Variants in KALRN observed in about 807,000 individuals in gnomAD.
The protein encoded by KALRN is kalirin RhoGEF kinase.
A neutral mutation model predicts 353.7 loss-of-function variants in KALRN; 70 were observed. The observed-to-expected ratio is 0.20, with a 90% CI of 0.16 to 0.24. The LOEUF is 0.24. Among genes scored for constraint, KALRN ranks in the 10% least tolerant of loss-of-function variants. The probability of loss-of-function intolerance (pLI) is 1.00; values close to 1 mark genes in which losing one functional copy is unlikely to be tolerated. For missense variants in KALRN, 2,791 were observed against 3,756.7 expected (o/e 0.74, Z 6.72); for synonymous variants, 1,391 against 1,434.8 (o/e 0.97, Z 0.69).
intron 33 of KALRN, among the ~76,000 whole-genome samples, chr3:124,561,453 C>T (rs2071998313): frequency 6.6e-6 from 1 of 152,118 alleles, no homozygotes; most frequent in Non-Finnish European, 1.5e-5. Context: ...CGTTTCAAGC[C>T]CCCTCTGATA....
At position 124,232,529 on chromosome 3, in the gene KALRN, C is replaced by A. The variant is rs544985155; in HGVS notation, c.149-2300C>A. 2.0e-3 allele frequency among the ~76,000 whole-genome samples: 311 copies of A among 152,306 alleles called. 2 individuals are homozygous for A. Among genetic ancestry groups the A allele is most frequent in the African/African-American group, 7.3e-3 (304 of 41,574 alleles). On this transcript the variant is annotated intron_variant, in intron 2 of 59. Transcript: ENST00000682506. ...GCAGCCCCATCTGCTGTGGGCTGGGCCCCCGCCTTATGCCTTCCCTGAGAC... is the reference window on the plus strand; with the variant it reads ...GCAGCCCCATCTGCTGTGGGCTGGGACCCCGCCTTATGCCTTCCCTGAGAC...
intron 15 of KALRN, 48 bp from the exon 16 acceptor site, chr3:124,430,608 G>A: frequency 1.9e-6 from 3 of 1,605,934 alleles, no homozygotes; most frequent in Non-Finnish European, 2.6e-6. Context: ...ACAGCTCTGG[G>A]GAAACTGCGG....
intron 6 of KALRN, 66 bp downstream of exon 6, chr3:124,298,979 G>C (rs1227938209): frequency 6.3e-7 from 1 of 1,598,266 alleles, no homozygotes; most frequent in Non-Finnish European, 8.6e-7. Flanking sequence ...GTGGGAGGAG[G>C]GACAGAAACA....
chr3:124,448,118 G>A (rs555540), intron 21 of KALRN, among the ~76,000 whole-genome samples: 5 of 151,988 alleles, frequency 3.3e-5, no homozygotes, highest in Non-Finnish European at 5.9e-5. Flanking sequence ...TACCCAGAAC[G>A]TCATAGGATC....
intron 51 of KALRN, among the ~76,000 whole-genome samples, chr3:124,689,589 CATT>C (rs1236668142): frequency 6.6e-6 from 1 of 152,092 alleles, no homozygotes; most frequent in African/African-American, 2.4e-5. Flanking sequence ...GGAAGGAAAA[CATT>C]ATATTTCAAG....
chr3:124,215,446 A>T (rs1192652613), intron 1 of KALRN, among the ~76,000 whole-genome samples: 1 of 152,128 alleles, frequency 6.6e-6, no homozygotes. Context: ...TCACTCATTC[A>T]TATATTCAGT....
At chr3:124,405,368 C>T (rs545102847) in intron 13 of KALRN, among the ~76,000 whole-genome samples, 62 of 152,284 alleles carry the variant, frequency 4.1e-4, no homozygotes, top group African/African-American at 1.1e-3. Context: ...ATATGCTCCT[C>T]CTTTCTGGTA....
chr3:124,431,278 A>G (rs1190744797), intron 16 of KALRN, among the ~76,000 whole-genome samples: 1 of 152,222 alleles, frequency 6.6e-6, no homozygotes, highest in African/African-American at 2.4e-5. Flanking sequence ...AGCAGATTGC[A>G]CCAGATATTT....
At position 124,430,776 on chromosome 3, in the gene KALRN, G is replaced by A; in HGVS notation, c.2829+1G>A. The A allele has an allele frequency of 6.2e-7, 1 of 1,613,634 alleles. No homozygotes were observed. Among genetic ancestry groups the A allele is most frequent in the Non-Finnish European group, 8.5e-7 (1 of 1,179,842 alleles). Reference sequence around the variant, plus strand: ...CGAGCAGTTCCAACTGGCCATCGAGGTAACACCCAAATCTGGCTGCACTGT... The same window carrying A: ...CGAGCAGTTCCAACTGGCCATCGAGATAACACCCAAATCTGGCTGCACTGT... On this transcript the variant is annotated splice_donor_variant, in intron 16 of 59. Coordinates refer to ENST00000682506, the MANE Select transcript of KALRN (RefSeq NM_001388419.1). LOFTEE classifies it high-confidence loss of function.
Position 124,694,358 on chromosome 3 carries a change from G to A in KALRN, c.7432G>A (p.Val2478Met). ...EVAPEFLVPL[V>M]DVTCLLGDTV... ...GGCCCCAGAATTCCTTGTGCCCTTG[G>A]TGGATGTGACCTGCTTGCTTGGGGA... is the stretch of plus-strand genomic sequence containing the variant. The change falls in exon 53 of 60, where the codon GTG becomes ATG. Residue 2478 changes from valine (V) to methionine (M), a missense_variant. Around this residue, in one of 11 missense-constraint regions of KALRN, gnomAD observed 1,065 missense variants for 1,156.4 expected, o/e 0.92. Coordinates refer to ENST00000682506, the MANE Select transcript of KALRN (RefSeq NM_001388419.1). The A allele has an allele frequency of 6.2e-7, 1 of 1,614,170 alleles. No individual in the cohort carries two copies. Among genetic ancestry groups the A allele is most frequent in the Admixed American group, 1.7e-5 (1 of 60,018 alleles).
At chr3:124,518,984 T>C in intron 33 of KALRN, 1 of 990,372 alleles carries the variant, frequency 1.0e-6, no homozygotes, top group Non-Finnish European at 1.2e-6. Flanking sequence ...GAAGAAGGGA[T>C]GATGTGTGGT....
intron 33 of KALRN, among the ~76,000 whole-genome samples, chr3:124,559,672 G>A (rs1252056219): frequency 6.6e-6 from 1 of 152,172 alleles, no homozygotes; most frequent in East Asian, 1.9e-4. Flanking sequence ...AATAACTTTG[G>A]TCTTAGAATC....
At chr3:124,584,892 G>C (rs748264417) in intron 34 of KALRN, 3 of 1,604,074 alleles carry the variant, frequency 1.9e-6, no homozygotes, top group Non-Finnish European at 2.6e-6. Flanking sequence ...TGCTGCTGTT[G>C]CTTCCCGTGT....
chr3:124,387,241 G>A (rs780649508), intron 11 of KALRN, among the ~76,000 whole-genome samples: 1 of 152,138 alleles, frequency 6.6e-6, no homozygotes, highest in African/African-American at 2.4e-5. Context: ...AAGCTTGGTC[G>A]TGTTTGAACC....
chr3:124,055,241 C>T (rs961114683), intron 1 of KALRN, among the ~76,000 whole-genome samples: 3 of 152,138 alleles, frequency 2.0e-5, no homozygotes, highest in Non-Finnish European at 4.4e-5. Flanking sequence ...TCTGTCATTC[C>T]CATAGAATCT....
chr3:124,410,328 A>C (rs1168682078), intron 13 of KALRN: 1 of 518,258 alleles, frequency 1.9e-6, no homozygotes, highest in African/African-American at 1.9e-5. Context: ...AATCAAAAGA[A>C]AAGGCAGGCT....
chr3:124,585,255 A>G (rs1309397170), intron 34 of KALRN, among the ~76,000 whole-genome samples: 2 of 152,212 alleles, frequency 1.3e-5, no homozygotes, highest in Non-Finnish European at 2.9e-5. Flanking sequence ...GTGTGTCCCT[A>G]TAGTGGCGGA....
intron 37 of KALRN, among the ~76,000 whole-genome samples, chr3:124,647,082 A>T (rs1036245922): frequency 6.6e-6 from 1 of 151,880 alleles, no homozygotes; most frequent in Non-Finnish European, 1.5e-5. Context: ...TAATTTTTTT[A>T]TTTAATAGAG....
intron 28 of KALRN, 101 bp downstream of exon 28, chr3:124,483,001 C>G (rs1175149877): frequency 1.2e-6 from 1 of 810,396 alleles, no homozygotes; most frequent in Non-Finnish European, 2.2e-6. Context: ...CACCTGAAGA[C>G]CTTTCTTCTA....
Sources: allele counts gnomAD v4.1 joint callset (sites outside exome capture counted in the v4.1 genomes callset), GRCh38; gene constraint gnomAD v4.1.1; regional missense constraint gnomAD v4.1.1; transcripts MANE v1.5; gene names NCBI Gene and HGNC (gene_info 2026-07-23, HGNC 2026-07-21).